Variants in RBFOX1 observed in about 807,000 individuals in gnomAD.
RBFOX1 encodes the protein RNA binding protein fox-1 homolog 1.
Under a neutral mutation model 57.7 loss-of-function variants are expected in RBFOX1, and 8 were observed. The observed-to-expected ratio is 0.14, with a 90% CI of 0.08 to 0.25. The LOEUF is 0.25. Among genes scored for constraint, RBFOX1 ranks in the 10% least tolerant of loss-of-function variants. The pLI, the probability that RBFOX1 is intolerant of heterozygous loss-of-function variation, is 1.00. For missense variants in RBFOX1, 611 were observed against 548.5 expected (o/e 1.11, Z -1.14); for synonymous variants, 326 against 222.4 (o/e 1.47, Z -4.15).
At chr16:5,432,795 T>G (rs1479214742) in intron 1 of RBFOX1, among the ~76,000 whole-genome samples, 1 of 152,028 alleles carries the variant, frequency 6.6e-6, no homozygotes, top group Non-Finnish European at 1.5e-5. Flanking sequence ...TCTTTTCTTT[T>G]CTTTTTTTAA....
intron 3 of RBFOX1, among the ~76,000 whole-genome samples, chr16:6,751,161 C>T (rs955907293): frequency 3.9e-5 from 6 of 152,070 alleles, no homozygotes; most frequent in African/African-American, 1.4e-4. Context: ...ATTTACTTTA[C>T]ATTTTATTCG....
At chr16:6,438,480 C>T (rs1453610466) in intron 2 of RBFOX1, among the ~76,000 whole-genome samples, 1 of 152,146 alleles carries the variant, frequency 6.6e-6, no homozygotes, top group African/African-American at 2.4e-5. Flanking sequence ...ATGCTGTGTG[C>T]TTTGCTAGTC....
At chr16:5,699,941 C>G (rs996588545) in intron 3 of RBFOX1, among the ~76,000 whole-genome samples, 1 of 152,166 alleles carries the variant, frequency 6.6e-6, no homozygotes, top group Non-Finnish European at 1.5e-5. Context: ...TCACGCCATT[C>G]TCCTGCTCAG....
chr16:6,264,210 C>G (rs549306383), intron 1 of RBFOX1, among the ~76,000 whole-genome samples: 1 of 152,126 alleles, frequency 6.6e-6, no homozygotes, highest in African/African-American at 2.4e-5. Context: ...ATCTGGATCA[C>G]TTTGACTACC....
At chr16:6,464,473 A>G (rs2094994203) in intron 2 of RBFOX1, among the ~76,000 whole-genome samples, 1 of 152,258 alleles carries the variant, frequency 6.6e-6, no homozygotes, top group African/African-American at 2.4e-5. Context: ...GTTGTTTGTA[A>G]TAACGAAGTC....
chr16:6,775,498 C>T (rs2079172792), intron 3 of RBFOX1, among the ~76,000 whole-genome samples: 1 of 151,918 alleles, frequency 6.6e-6, no homozygotes, highest in African/African-American at 2.4e-5. Context: ...AAAAATGAAT[C>T]AAATAAATCA....
chr16:6,965,933 C>T (rs192812699), intron 3 of RBFOX1, among the ~76,000 whole-genome samples: 3 of 152,148 alleles, frequency 2.0e-5, no homozygotes, highest in African/African-American at 2.4e-5. Context: ...CATTTAGCAT[C>T]GGGGGATCCA....
chr16:6,631,718 A>C (rs1602060605), intron 2 of RBFOX1, among the ~76,000 whole-genome samples: 1 of 152,158 alleles, frequency 6.6e-6, no homozygotes, highest in African/African-American at 2.4e-5. Flanking sequence ...TGGCTGGGGG[A>C]AGAGCTCACT....
chr16:5,294,688 T>C (rs1318646480), intron 1 of RBFOX1, among the ~76,000 whole-genome samples: 2 of 152,078 alleles, frequency 1.3e-5, no homozygotes, highest in African/African-American at 2.4e-5. Flanking sequence ...CCTTTCACAT[T>C]TGGACCCCTT....
intron 1 of RBFOX1, among the ~76,000 whole-genome samples, chr16:5,327,442 C>A (rs956054433): frequency 6.6e-6 from 1 of 152,212 alleles, no homozygotes; most frequent in African/African-American, 2.4e-5. Flanking sequence ...AGGAAATGAT[C>A]AAAATCGTCT....
rs189228841 is a variant in RBFOX1, at chr16:5,903,084, A to C, written c.351+35749A>C. 5.3e-5 allele frequency among the ~76,000 whole-genome samples: 8 copies of C among 152,090 alleles called. No homozygotes were observed. In the East Asian group the frequency reaches 9.7e-4, roughly 18 times the overall value. On this transcript the variant is annotated intron_variant, in intron 4 of 19. Transcript: ENST00000641259. Reference sequence around the variant, plus strand: ...CCTGAGCCGACTTACTGTTTGTATTAGATGGGTGTGTGTGGGTGTGTGTGT... The same window carrying C: ...CCTGAGCCGACTTACTGTTTGTATTCGATGGGTGTGTGTGGGTGTGTGTGT...
At chr16:5,587,298 A>G (rs562120580) in intron 2 of RBFOX1, among the ~76,000 whole-genome samples, 1 of 152,350 alleles carries the variant, frequency 6.6e-6, no homozygotes. Context: ...TCCAAAGAAG[A>G]TTCACAAATG....
intron 4 of RBFOX1, among the ~76,000 whole-genome samples, chr16:7,184,105 A>T (rs1006460253): frequency 5.3e-5 from 8 of 152,208 alleles, no homozygotes; most frequent in African/African-American, 1.7e-4. Context: ...CAGCACAAAG[A>T]TGTGTGTAAA....
At chr16:5,343,229 CT>C (rs2065069010) in intron 1 of RBFOX1, among the ~76,000 whole-genome samples, 2 of 151,112 alleles carry the variant, frequency 1.3e-5, no homozygotes, top group African/African-American at 4.9e-5. Context: ...CAAACCATAC[CT>C]AAAGTCCTAC....
chr16:5,641,185 C>T (rs1191977847), intron 3 of RBFOX1, among the ~76,000 whole-genome samples: 2 of 150,924 alleles, frequency 1.3e-5, no homozygotes, highest in African/African-American at 2.4e-5. Flanking sequence ...CATGGATACA[C>T]ACAGGCACAC....
intron 2 of RBFOX1, among the ~76,000 whole-genome samples, chr16:6,449,637 C>T (rs751545909): frequency 1.6e-4 from 24 of 152,198 alleles, no homozygotes; most frequent in Non-Finnish European, 2.9e-4. Flanking sequence ...GAAAAGTCAT[C>T]TTGTCTTTCA....
Position 7,654,056 on chromosome 16 carries a change from C to G in RBFOX1, c.890+109C>G, listed in dbSNP as rs569857073. ...GGTCTTGACTCCCCCTCCGCCACCC[C>G]CAGAACCGCCCCCAGCATGCAGCCC... On this transcript the variant is annotated intron_variant, in intron 12 of 15. Coordinates refer to ENST00000550418, the MANE Select transcript of RBFOX1 (RefSeq NM_018723.4). The G allele has an allele frequency of 2.2e-4, 257 of 1,178,428 alleles. No homozygotes were observed. The African/African-American group carries it at 3.7e-3, about 17-fold the overall frequency. 73.0% of individuals were successfully genotyped at this position (1,178,428 alleles called of 1,614,324 possible).
At chr16:5,700,276 A>C (rs968764714) in intron 3 of RBFOX1, among the ~76,000 whole-genome samples, 1 of 152,152 alleles carries the variant, frequency 6.6e-6, no homozygotes, top group African/African-American at 2.4e-5. Flanking sequence ...ATCTTTATTC[A>C]AAAGCCCACT....
At chr16:7,250,548 G>C (rs2094466143) in intron 4 of RBFOX1, among the ~76,000 whole-genome samples, 1 of 152,134 alleles carries the variant, frequency 6.6e-6, no homozygotes, top group African/African-American at 2.4e-5. Context: ...CTCCCTCCAA[G>C]AAAGTAAACT....
Sources: allele counts gnomAD v4.1 joint callset (sites outside exome capture counted in the v4.1 genomes callset), GRCh38; gene constraint gnomAD v4.1.1; transcripts MANE v1.5; gene names NCBI Gene and HGNC (gene_info 2026-07-23, HGNC 2026-07-21).